GRM7: variants seen among roughly 807,000 people sequenced by gnomAD.
The protein encoded by GRM7 is glutamate metabotropic receptor 7.
Under a neutral mutation model 84.5 loss-of-function variants are expected in GRM7, and 35 were observed. The observed-to-expected ratio is 0.41, with a 90% confidence interval of 0.32 to 0.55. The LOEUF is 0.55. Ranked by LOEUF, GRM7 falls within the 20% of genes least tolerant of loss-of-function variation. The pLI, the probability that GRM7 is intolerant of heterozygous loss-of-function variation, is 0.19. For missense variants in GRM7, 1,003 were observed against 1,194.6 expected, an observed-to-expected ratio of 0.84 and a Z score of 2.36; for synonymous variants, 487 against 455.1, an observed-to-expected ratio of 1.07 and a Z score of -0.89.
At chr3:7,691,936 G>C (rs1207243583) in intron 9 of GRM7, among the ~76,000 whole-genome samples, 3 of 152,170 alleles carry the variant, frequency 2.0e-5, no homozygotes, top group Non-Finnish European at 4.4e-5. Flanking sequence ...TGGGATTACA[G>C]GTGTGAGCCA....
intron 2 of GRM7, among the ~76,000 whole-genome samples, chr3:7,206,889 G>A (rs1266565352): frequency 1.3e-5 from 2 of 152,168 alleles, no homozygotes; most frequent in African/African-American, 2.4e-5. Context: ...ACCCCCAGGT[G>A]TTGGGGGATG....
intron 7 of GRM7, among the ~76,000 whole-genome samples, chr3:7,552,096 T>C (rs1287133013): frequency 6.6e-6 from 1 of 152,148 alleles, no homozygotes; most frequent in South Asian, 2.1e-4. Context: ...CCACCTGATC[T>C]CTCCCTTGAA....
intron 2 of GRM7, among the ~76,000 whole-genome samples, chr3:7,256,439 G>T (rs568796403): frequency 6.6e-6 from 1 of 152,304 alleles, no homozygotes; most frequent in African/African-American, 2.4e-5. Context: ...TAGCTTGGCA[G>T]CCCACAATTT....
intron 1 of GRM7, among the ~76,000 whole-genome samples, chr3:6,876,183 G>A (rs534840359): frequency 2.2e-4 from 33 of 151,914 alleles, no homozygotes; most frequent in Middle Eastern, 3.4e-3. Context: ...CACAAGAATC[G>A]CTTGAACCCG....
At chr3:7,325,201 T>A (rs544182643) in intron 4 of GRM7, among the ~76,000 whole-genome samples, 1 of 152,276 alleles carries the variant, frequency 6.6e-6, no homozygotes, top group South Asian at 2.1e-4. Context: ...AGTTCTCAAA[T>A]ATATTTACCG....
intron 7 of GRM7, among the ~76,000 whole-genome samples, chr3:7,500,740 G>A (rs937784239): frequency 2.6e-5 from 4 of 152,172 alleles, no homozygotes; most frequent in African/African-American, 9.7e-5. Flanking sequence ...GACTTCTTTT[G>A]GTCAGTGAAC....
intron 8 of GRM7, among the ~76,000 whole-genome samples, chr3:7,581,691 T>C (rs550203587): frequency 1.3e-5 from 2 of 152,226 alleles, no homozygotes; most frequent in East Asian, 1.9e-4. Flanking sequence ...GTGTTTTAAA[T>C]CAAAGAATTA....
chr3:6,882,995 A>G (rs539343168), intron 1 of GRM7, among the ~76,000 whole-genome samples: 2 of 152,330 alleles, frequency 1.3e-5, no homozygotes, highest in South Asian at 2.1e-4. Flanking sequence ...GTATGAGCCT[A>G]TGGAAGAGTT....
intron 4 of GRM7, among the ~76,000 whole-genome samples, chr3:7,400,955 C>T (rs1215136719): frequency 7.9e-5 from 12 of 151,960 alleles, no homozygotes. Flanking sequence ...CCAGTATAAT[C>T]ATTTAAATTT....
At position 7,478,432 on chromosome 3, in the gene GRM7, C is replaced by T. The variant is rs191184178; in HGVS notation, c.1515+16710C>T. On this transcript the variant is annotated intron_variant, in intron 7 of 9. Coordinates refer to ENST00000357716, the MANE Select transcript of GRM7 (RefSeq NM_000844.4). ...AGACATTTATTTTTCAGCTGAGAGA[C>T]GACTGGAACATTTTGCAAAGGAAGG... is the stretch of plus-strand genomic sequence containing the variant. 4.3e-3 allele frequency among the ~76,000 whole-genome samples: 660 copies of T among 152,062 alleles called. 3 individuals are homozygous for T. The highest frequency in any genetic ancestry group is 0.015 in the African/African-American group (631 of 41,460).
chr3:7,136,481 T>C (rs9843310), intron 1 of GRM7, among the ~76,000 whole-genome samples: 48,352 of 151,888 alleles, frequency 0.32, 8,379 homozygotes, highest in African/African-American at 0.46. Context: ...TTCCTTGGTC[T>C]CTTTACCTTT....
At chr3:7,609,990 G>A (rs902596085) in intron 8 of GRM7, among the ~76,000 whole-genome samples, 4 of 152,156 alleles carry the variant, frequency 2.6e-5, no homozygotes, top group African/African-American at 7.2e-5. Context: ...CTTGGTTGAC[G>A]TGGTTTTACT....
chr3:6,914,889 A>C (rs1204323095), intron 1 of GRM7, among the ~76,000 whole-genome samples: 1 of 152,184 alleles, frequency 6.6e-6, no homozygotes, highest in East Asian at 1.9e-4. Flanking sequence ...ATTCAAGACC[A>C]GTGTGGCCCC....
intron 1 of GRM7, among the ~76,000 whole-genome samples, chr3:6,987,082 T>G (rs1301905989): frequency 6.6e-6 from 1 of 152,340 alleles, no homozygotes; most frequent in South Asian, 2.1e-4. Context: ...TTTTCTCCTC[T>G]GTTCTTTCGT....
At chr3:7,073,286 C>T (rs1382237657) in intron 1 of GRM7, among the ~76,000 whole-genome samples, 1 of 151,764 alleles carries the variant, frequency 6.6e-6, no homozygotes, top group Admixed American at 6.6e-5. Flanking sequence ...AAAATAATTC[C>T]TCTTTGTGCC....
chr3:7,521,187 G>A (rs891492862), intron 7 of GRM7, among the ~76,000 whole-genome samples: 20 of 152,194 alleles, frequency 1.3e-4, no homozygotes, highest in Admixed American at 1.3e-3. Flanking sequence ...GGAACCTGAT[G>A]TTGAGCAGGC....
chr3:7,021,704 T>C (rs1172353429), intron 1 of GRM7, among the ~76,000 whole-genome samples: 1 of 152,212 alleles, frequency 6.6e-6, no homozygotes, highest in African/African-American at 2.4e-5. Context: ...GGTTAGCAAT[T>C]ACCATTTATT....
chr3:7,579,620 T>C (rs1453745846), intron 8 of GRM7, among the ~76,000 whole-genome samples: 1 of 152,220 alleles, frequency 6.6e-6, no homozygotes, highest in Non-Finnish European at 1.5e-5. Flanking sequence ...TGAGAGATTA[T>C]CTAGCATAAA....
At chr3:6,921,536 C>T (rs184393060) in intron 1 of GRM7, among the ~76,000 whole-genome samples, 209 of 151,950 alleles carry the variant, frequency 1.4e-3, no homozygotes, top group Non-Finnish European at 2.5e-3. Flanking sequence ...TCCTAAGGCT[C>T]AGGATGCCCA....
Sources: allele counts gnomAD v4.1 joint callset (sites outside exome capture counted in the v4.1 genomes callset), GRCh38; gene constraint gnomAD v4.1.1; transcripts MANE v1.5; gene names NCBI Gene and HGNC (gene_info 2026-07-23, HGNC 2026-07-21).